Variants in SYNE2 observed in about 807,000 individuals in gnomAD.
The protein encoded by SYNE2 is spectrin repeat containing nuclear envelope protein 2.
Under a neutral mutation model 856.3 loss-of-function variants are expected in SYNE2, and 431 were observed. That is an observed-to-expected ratio of 0.50 (90% CI 0.47 to 0.55). SYNE2 has a LOEUF of 0.55. SYNE2 is among the 20% of genes least tolerant of loss of function. The probability of loss-of-function intolerance (pLI) is 0.00; values close to 1 mark genes in which losing one functional copy is unlikely to be tolerated. For missense variants in SYNE2, 8,129 were observed against 8,023.2 expected, an observed-to-expected ratio of 1.01 and a Z score of -0.50; for synonymous variants, 2,923 against 2,872.3, an observed-to-expected ratio of 1.02 and a Z score of -0.56.
At position 64,212,986 on chromosome 14, in the gene SYNE2, G is replaced by T. The variant is rs144633663; in HGVS notation, c.19037G>T (p.Arg6346Leu). 12 of 1,613,532 alleles carry T rather than the reference G, an allele frequency of 7.4e-6. No homozygotes were observed. Among genetic ancestry groups the T allele is most frequent in the Non-Finnish European group, 1.0e-5 (12 of 1,179,980 alleles). ...VFGRVSRFHR[R>L]LTSCTPGLED... ...GGAAGGGTCTCCCGGTTCCACCGGC[G>T]GCTCACCTCCTGCACTCCGGTACGG... is the stretch of plus-strand genomic sequence containing the variant. Residue 6346 changes from arginine to leucine, a missense_variant, in exon 105 of 116, where the codon CGG becomes CTG. This residue lies in a region of SYNE2 where 5,410 missense variants were observed against 5,284.8 expected (regional missense o/e 1.02). Transcript: ENST00000555002.
intron 1 of SYNE2, among the ~76,000 whole-genome samples, chr14:63,785,150 TC>T (rs1306469534): frequency 1.3e-5 from 2 of 152,142 alleles, no homozygotes; most frequent in African/African-American, 2.4e-5. Context: ...CACCTTACTT[TC>T]ACCCTTAATC....
intron 30 of SYNE2, among the ~76,000 whole-genome samples, chr14:64,004,843 C>T (rs535285923): frequency 1.9e-4 from 29 of 152,260 alleles, no homozygotes; most frequent in African/African-American, 7.0e-4. Context: ...CCACTGCCCT[C>T]CATCCTGGAT....
chr14:63,839,988 G>T (rs903733406), intron 1 of SYNE2, among the ~76,000 whole-genome samples: 1 of 152,204 alleles, frequency 6.6e-6, no homozygotes, highest in Admixed American at 6.5e-5. Flanking sequence ...GACTTTTGGG[G>T]CCGGGCACGG....
intron 30 of SYNE2, 70 bp downstream of exon 30, chr14:64,003,400 A>C (rs1594792064): frequency 6.3e-7 from 1 of 1,585,256 alleles, no homozygotes; most frequent in East Asian, 2.2e-5. Flanking sequence ...CTGTTAGGTG[A>C]AAGAAATTCT....
At chr14:63,833,162 T>C (rs1889730283) in intron 1 of SYNE2, among the ~76,000 whole-genome samples, 1 of 152,028 alleles carries the variant, frequency 6.6e-6, no homozygotes, top group Non-Finnish European at 1.5e-5. Context: ...TGCACTATGA[T>C]CATGCCACTG....
chr14:63,986,086 A>C (rs2096623599), intron 18 of SYNE2, among the ~76,000 whole-genome samples: 1 of 152,180 alleles, frequency 6.6e-6, no homozygotes. Flanking sequence ...TCAGGAAAGA[A>C]AGTGGTGTAA....
At chr14:64,138,879 A>G (rs1204735455) in intron 79 of SYNE2, among the ~76,000 whole-genome samples, 6 of 149,196 alleles carry the variant, frequency 4.0e-5, no homozygotes, top group African/African-American at 1.5e-4. Context: ...AGCCAGCAGC[A>G]GTTTGTTGTT....
chr14:64,130,930 A>G (rs2098013167), intron 76 of SYNE2, among the ~76,000 whole-genome samples: 1 of 152,128 alleles, frequency 6.6e-6, no homozygotes, highest in African/African-American at 2.4e-5. Flanking sequence ...AACTAGAATC[A>G]AAAGGAAAGT....
chr14:63,911,003 G>A (rs1488573095), intron 2 of SYNE2, among the ~76,000 whole-genome samples: 1 of 151,988 alleles, frequency 6.6e-6, no homozygotes, highest in African/African-American at 2.4e-5. Context: ...CTGTTCAATG[G>A]CTCCCTATCA....
rs1239454721 is a variant in SYNE2 at position 64,093,445 on chromosome 14, T to C, written c.12073T>C (p.Ser4025Pro). 1.2e-6 allele frequency: 2 copies of C among 1,614,208 alleles called. No individual in the cohort carries two copies. Among genetic ancestry groups the C allele is most frequent in the Non-Finnish European group, 1.7e-6 (2 of 1,180,004 alleles). Residue 4025 changes from serine to proline, a missense_variant, in exon 61 of 116, where the codon TCA becomes CCA. Ser to Pro is a moderately conservative substitution (Grantham distance 74, BLOSUM62 -1). This residue lies in a region of SYNE2 where 5,410 missense variants were observed against 5,284.8 expected (regional missense o/e 1.02). Transcript: ENST00000555002. ...AGCTCAGTTCTCCCTTGAACATATG[T>C]CACCAGACCAAGCTGACAAGCTGCC... Reference protein sequence around the residue: ...YSAQFSLEHMSPDQADKLPQL... With the variant: ...YSAQFSLEHMPPDQADKLPQL...
chr14:64,018,880 G>T (rs188991563), intron 34 of SYNE2, among the ~76,000 whole-genome samples: 2 of 152,280 alleles, frequency 1.3e-5, no homozygotes, highest in Admixed American at 6.5e-5. Flanking sequence ...ACAGTCTCAG[G>T]TTGTGGCATC....
chr14:64,191,855 T>G (rs1567602294), intron 99 of SYNE2, among the ~76,000 whole-genome samples: 1 of 152,226 alleles, frequency 6.6e-6, no homozygotes, highest in East Asian at 1.9e-4. Flanking sequence ...TTCTTGACTT[T>G]CCCACTTATT....
chr14:64,215,874 C>G (rs188388113), intron 107 of SYNE2: 1 of 1,151,382 alleles, frequency 8.7e-7, no homozygotes, highest in Non-Finnish European at 1.1e-6. Flanking sequence ...CCCTGAGGAG[C>G]CTTTTGGTTC....
At chr14:64,029,810 A>G (rs1477634728) in intron 43 of SYNE2, 85 bp from the exon 44 acceptor site, 1 of 1,424,984 alleles carries the variant, frequency 7.0e-7, no homozygotes, top group Non-Finnish European at 9.7e-7. Context: ...CTGGTAAACA[A>G]GTATTTATTA....
At chr14:64,150,686 C>T (rs933344538) in intron 84 of SYNE2, among the ~76,000 whole-genome samples, 1 of 152,050 alleles carries the variant, frequency 6.6e-6, no homozygotes, top group African/African-American at 2.4e-5. Context: ...GTTAGTCAAG[C>T]CTTTAGGAGA....
intron 1 of SYNE2, among the ~76,000 whole-genome samples, chr14:63,819,089 G>A (rs1306817540): frequency 2.0e-5 from 3 of 151,518 alleles, no homozygotes; most frequent in African/African-American, 7.3e-5. Flanking sequence ...TGTGAAGGAA[G>A]TGGTAAAACT....
intron 45 of SYNE2, 105 bp downstream of exon 45, chr14:64,031,462 A>G (rs2097033956): frequency 1.0e-6 from 1 of 987,918 alleles, no homozygotes; most frequent in South Asian, 1.4e-5. Context: ...TCATAATTAA[A>G]TCCTCAATGT....
chr14:64,202,830 T>G lies in SYNE2; in HGVS notation c.18068T>G (p.Phe6023Cys). The change falls in exon 100 of 116, where the codon TTT becomes TGT. Residue 6023 changes from phenylalanine (F) to cysteine (C), a missense_variant. Transcript: ENST00000555002. ...RVKKLKETFA[F>C]IQQLDKNMSN... Reference sequence around the variant, plus strand: ...AAGAAGCTGAAGGAGACCTTTGCTTTTATTCAGCAGTTGGACAAAAACATG... The same window carrying G: ...AAGAAGCTGAAGGAGACCTTTGCTTGTATTCAGCAGTTGGACAAAAACATG... 9 of 1,614,230 alleles carry G rather than the reference T, an allele frequency of 5.6e-6. No homozygotes were observed. Among genetic ancestry groups the G allele is most frequent in the Non-Finnish European group, 7.6e-6 (9 of 1,180,040 alleles).
intron 94 of SYNE2, among the ~76,000 whole-genome samples, chr14:64,171,734 C>G (rs985057171): frequency 9.9e-5 from 15 of 152,108 alleles, no homozygotes; most frequent in Non-Finnish European, 1.9e-4. Context: ...ACTAGAAAGG[C>G]GGGTAGGGAG....
Sources: allele counts gnomAD v4.1 joint callset (sites outside exome capture counted in the v4.1 genomes callset), GRCh38; gene constraint gnomAD v4.1.1; regional missense constraint gnomAD v4.1.1; transcripts MANE v1.5; gene names NCBI Gene and HGNC (gene_info 2026-07-23, HGNC 2026-07-21).